The following RHOBTB2 variants were observed in gnomAD, a reference collection of about 807,000 sequenced individuals.
RHOBTB2 encodes the protein rho-related BTB domain-containing protein 2.
Under a neutral mutation model 66.5 loss-of-function variants are expected in RHOBTB2, and 39 were observed. That is an observed-to-expected ratio of 0.59 (90% CI 0.45 to 0.77). The LOEUF (loss-of-function observed/expected upper bound fraction) is 0.77, where lower values mean the gene tolerates loss of function less well. Ranked by LOEUF, RHOBTB2 falls within the 30% of genes least tolerant of loss-of-function variation. RHOBTB2 has a pLI of 0.00. For missense variants in RHOBTB2, 755 were observed against 999.1 expected (o/e 0.76, Z 3.29); for synonymous variants, 390 against 395.0 (o/e 0.99, Z 0.15).
the RHOBTB2 span, among the ~76,000 whole-genome samples, chr8:22,970,961 C>A: frequency 6.6e-6 from 1 of 152,296 alleles, no homozygotes. Context: ...AAACCTTCTG[C>A]ACCCTCAATA....
At chr8:22,997,863 G>A (rs1810619685), upstream of RHOBTB2, among the ~76,000 whole-genome samples, 1 of 152,150 alleles carries the variant, frequency 6.6e-6, no homozygotes, top group Non-Finnish European at 1.5e-5. Flanking sequence ...TCTGGCGCAG[G>A]GGCTCTTTGG....
chr8:23,016,860 G>A lies in RHOBTB2; in HGVS notation c.1967-392G>A, dbSNP rs976275863. ...CTGCTGCTGTGTCCTGCTGTGTCCTGACTCCGTATTCCCCCTCGGAACCTT... is the reference window on the plus strand; with the variant it reads ...CTGCTGCTGTGTCCTGCTGTGTCCTAACTCCGTATTCCCCCTCGGAACCTT... On this transcript the variant is annotated intron_variant, in intron 9 of 9. Transcript: ENST00000251822. Among the ~76,000 whole-genome samples the A allele has an allele frequency of 2.0e-5, 3 of 152,246 alleles. No homozygotes were observed. The South Asian group carries it at 6.2e-4, about 32-fold the overall frequency.
At chr8:22,992,719 C>T (rs578006015) in intron 2 of RHOBTB2, among the ~76,000 whole-genome samples, 5 of 152,326 alleles carry the variant, frequency 3.3e-5, no homozygotes, top group South Asian at 2.1e-4. Context: ...CAGTGTTTCA[C>T]GTCATTAAGG....
upstream of RHOBTB2, among the ~76,000 whole-genome samples, chr8:22,996,496 G>GGTGTGTGTGTGTGTGTGTGTGTGTGT (rs777854716): frequency 1.0e-5 from 1 of 98,730 alleles, no homozygotes; most frequent in African/African-American, 4.1e-5. Context: ...AGAGAGGGCT[G>GGTGTGTGTGTGTGTGTGTGTGTGTGT]GTGTGTGTGT....
intron 7 of RHOBTB2, among the ~76,000 whole-genome samples, chr8:23,014,306 T>C (rs1319091143): frequency 1.3e-5 from 2 of 152,268 alleles, no homozygotes; most frequent in African/African-American, 4.8e-5. Context: ...CTCCTAGTTC[T>C]AACTCACAGT....
chr8:22,951,244 C>CTTTTTTTTTTTTT, the RHOBTB2 span, among the ~76,000 whole-genome samples: 1 of 87,980 alleles, frequency 1.1e-5, no homozygotes, highest in Non-Finnish European at 2.0e-5. Context: ...CTACTTAGCT[C>CTTTTTTTTTTTTT]TTTTTTTTTT....
the RHOBTB2 span, among the ~76,000 whole-genome samples, chr8:22,954,311 T>TTTTTG: frequency 1.1e-4 from 17 of 152,346 alleles, no homozygotes; most frequent in African/African-American, 2.9e-4. Flanking sequence ...AGACAGGTTT[T>TTTTTG]TTTTGTTTTG....
At chr8:23,001,630 C>T (rs1286163487) in intron 1 of RHOBTB2, among the ~76,000 whole-genome samples, 1 of 152,160 alleles carries the variant, frequency 6.6e-6, no homozygotes, top group Non-Finnish European at 1.5e-5. Context: ...TCAGCCCAGC[C>T]TCTCTTGGCA....
the RHOBTB2 span, among the ~76,000 whole-genome samples, chr8:22,968,228 TAAA>T: frequency 5.3e-5 from 8 of 152,238 alleles, no homozygotes; most frequent in East Asian, 1.5e-3. Flanking sequence ...TTTAAAACAT[TAAA>T]AAACAATTTT....
In RHOBTB2 at chr8:23,006,925, C is replaced by T. The variant is rs1341586440; in HGVS notation, c.680C>T (p.Pro227Leu). 4.3e-6 allele frequency: 7 copies of T among 1,613,422 alleles called. No homozygotes were observed. The African/African-American group carries it at 6.7e-5, about 15-fold the overall frequency. ...TCCCACCTCCGCAATGTGCAGCGGC[C>T]TCTGCTGCAGGCACCCTTCCTACCC... Reference protein sequence around the residue: ...WKSHLRNVQRPLLQAPFLPPK... With the variant: ...WKSHLRNVQRLLLQAPFLPPK... Residue 227 changes from proline to leucine, a missense_variant, in exon 5 of 10, where the codon CCT becomes CTT. Around this residue, in one of 7 missense-constraint regions of RHOBTB2, gnomAD observed 247 missense variants for 238.9 expected, o/e 1.03. Transcript: ENST00000251822. The surrounding 1 kb of genome is among the most constrained non-coding windows in gnomAD (Gnocchi z 6.1).
At position 23,010,573 on chromosome 8, in the gene RHOBTB2, G is replaced by A. The variant is rs771638058; in HGVS notation, c.1656G>A (p.Arg552=). The A allele has an allele frequency of 6.2e-7, 1 of 1,614,028 alleles. No individual in the cohort carries two copies. The highest frequency in any genetic ancestry group is 2.2e-5 in the East Asian group (1 of 44,860). Residue 552 remains arginine (R), a synonymous_variant, in exon 7 of 10, where the codon CGG becomes CGA. Coordinates refer to ENST00000251822, the MANE Select transcript of RHOBTB2 (RefSeq NM_015178.3). ...VFPYTSKSCM[R]AVLEYLYTGM... Reference sequence around the variant, plus strand: ...CCTACACAAGCAAGAGCTGCATGCGGGCCGTGCTGGAATACCTCTACACCG... The same window carrying A: ...CCTACACAAGCAAGAGCTGCATGCGAGCCGTGCTGGAATACCTCTACACCG...
At chr8:22,993,965 C>T (rs553425432) in intron 2 of RHOBTB2, among the ~76,000 whole-genome samples, 86 of 152,324 alleles carry the variant, frequency 5.6e-4, no homozygotes, top group Non-Finnish European at 8.7e-4. Context: ...GTGTTTAATC[C>T]TCACTCTCTC....
chr8:23,009,862 G>A (rs1811084972), intron 6 of RHOBTB2, among the ~76,000 whole-genome samples: 1 of 152,170 alleles, frequency 6.6e-6, no homozygotes, highest in Non-Finnish European at 1.5e-5. Flanking sequence ...TACTGTAGAC[G>A]CCAGCTTTAA....
the RHOBTB2 span, among the ~76,000 whole-genome samples, chr8:22,976,511 C>T: frequency 1.3e-5 from 2 of 152,332 alleles, no homozygotes; most frequent in Admixed American, 1.3e-4. Context: ...TTGTTTTCTA[C>T]CCAACAAAGT....
chr8:23,015,538 C>A, intron 8 of RHOBTB2, 100 bp from the exon 9 acceptor site: 1 of 776,462 alleles, frequency 1.3e-6, no homozygotes, highest in Non-Finnish European at 2.2e-6. Flanking sequence ...CCTCTGCGTG[C>A]CCTGCACCAG....
At chr8:22,960,587 G>A in the RHOBTB2 span, among the ~76,000 whole-genome samples, 1 of 152,064 alleles carries the variant, frequency 6.6e-6, no homozygotes, top group Non-Finnish European at 1.5e-5. Flanking sequence ...CCAAAGTGCT[G>A]GGATTATAGG....
the RHOBTB2 span, among the ~76,000 whole-genome samples, chr8:22,966,607 C>G: frequency 6.6e-6 from 1 of 151,470 alleles, no homozygotes; most frequent in Non-Finnish European, 1.5e-5. Context: ...ACAGCAAAAC[C>G]TTACCTCCAT....
At chr8:23,001,435 T>C (rs1810777579) in intron 1 of RHOBTB2, among the ~76,000 whole-genome samples, 1 of 151,786 alleles carries the variant, frequency 6.6e-6, no homozygotes, top group South Asian at 2.1e-4. Flanking sequence ...AGGGCAAAAA[T>C]TATATTACTC....
At chr8:22,958,285 T>C in the RHOBTB2 span, among the ~76,000 whole-genome samples, 3 of 152,182 alleles carry the variant, frequency 2.0e-5, no homozygotes, top group African/African-American at 7.2e-5. Context: ...CAAATGAAGA[T>C]GAGCTACATA....
Sources: gnomAD v4.1 joint callset for allele counts (sites outside exome capture counted in the v4.1 genomes callset) on GRCh38, gnomAD v4.1.1 for gene constraint, gnomAD v4.1.1 regional missense constraint, Gnocchi (gnomAD v3.1) non-coding constraint, MANE v1.5 for transcripts, NCBI Gene and HGNC (gene_info 2026-07-23, HGNC 2026-07-21) for gene names.